SCARB1: variants seen among roughly 807,000 people sequenced by gnomAD.
The protein encoded by SCARB1 is scavenger receptor class B member 1, also known as CD36 and LIMPII analogous 1.
A neutral mutation model predicts 57.2 loss-of-function variants in SCARB1; 30 were observed. That is an observed-to-expected ratio of 0.52 (90% CI 0.39 to 0.71). The LOEUF (loss-of-function observed/expected upper bound fraction) is 0.71. Ranked by LOEUF, SCARB1 falls within the 30% of genes least tolerant of loss-of-function variation. The probability of loss-of-function intolerance (pLI) is 0.00; values close to 1 mark genes in which losing one functional copy is unlikely to be tolerated. For missense variants in SCARB1, 543 were observed against 671.2 expected, an observed-to-expected ratio of 0.81 and a Z score of 2.11; for synonymous variants, 249 against 268.3, an observed-to-expected ratio of 0.93 and a Z score of 0.70.
In SCARB1 at chr12:124,778,290, G is replaced by A; in HGVS notation, c.*297C>T. 4 of 565,490 alleles carry A rather than the reference G, an allele frequency of 7.1e-6. No homozygotes were observed. Among genetic ancestry groups the A allele is most frequent in the Non-Finnish European group, 1.1e-5 (4 of 379,222 alleles). 35.0% of individuals were successfully genotyped at this position (565,490 alleles called of 1,614,324 possible). On this transcript the variant is annotated 3_prime_UTR_variant, in exon 13 of 13. Transcript: ENST00000261693. ...GCAGGACCCACAGCCCCTGTGGTCA[G>A]GCCTGTGGGCCACGTGGAGAGAAGG... is the stretch of plus-strand genomic sequence containing the variant.
intron 1 of SCARB1, among the ~76,000 whole-genome samples, chr12:124,853,390 G>T (rs201266732): frequency 0.063 from 7,782 of 122,576 alleles, 835 homozygotes; most frequent in African/African-American, 0.21. Flanking sequence ...GCATAGTTTT[G>T]TTTTTTTTTT....
chr12:124,837,232 A>C (rs11057847), intron 1 of SCARB1, among the ~76,000 whole-genome samples: 1 of 152,240 alleles, frequency 6.6e-6, no homozygotes, highest in East Asian at 1.9e-4. Flanking sequence ...TCAGACAGTG[A>C]ATATGCCTTC....
At chr12:124,839,065 A>G (rs114069652) in intron 1 of SCARB1, among the ~76,000 whole-genome samples, 6,329 of 152,140 alleles carry the variant, frequency 0.042, 446 homozygotes, top group African/African-American at 0.14. Flanking sequence ...GAGCCACTAC[A>G]CGCCCAGCCC....
intron 9 of SCARB1, among the ~76,000 whole-genome samples, chr12:124,794,400 CTT>C (rs3043265): frequency 1.1e-4 from 13 of 119,888 alleles, no homozygotes; most frequent in Middle Eastern, 4.3e-3. Flanking sequence ...TTGAAAAATT[CTT>C]TTTTTTTTTT....
In SCARB1 at chr12:124,814,076, C is replaced by T; in HGVS notation, c.630+126G>A. 2.2e-6 allele frequency: 2 copies of T among 904,172 alleles called. No homozygotes were observed. Among genetic ancestry groups the T allele is most frequent in the Non-Finnish European group, 3.7e-6 (2 of 538,516 alleles). 56.0% of individuals were successfully genotyped at this position (904,172 alleles called of 1,614,324 possible). On this transcript the variant is annotated intron_variant, in intron 4 of 12. Coordinates refer to ENST00000261693, the MANE Select transcript of SCARB1 (RefSeq NM_005505.5). The surrounding 1 kb of genome is among the most constrained non-coding windows in gnomAD (Gnocchi z 4.7). ...CCGGTTTGAGTCAGGTTCTCAGTCA[C>T]TTACAACCCACAGCCACTAGATCCC...
intron 7 of SCARB1, among the ~76,000 whole-genome samples, chr12:124,806,567 CGGGCGCT>C (rs1950331049): frequency 6.6e-6 from 1 of 152,146 alleles, no homozygotes; most frequent in African/African-American, 2.4e-5. Context: ...ACAGGGTAAA[CGGGCGCT>C]GGGCCTGCTC....
intron 1 of SCARB1, among the ~76,000 whole-genome samples, chr12:124,860,281 A>T (rs1323521888): frequency 6.6e-6 from 1 of 152,254 alleles, no homozygotes; most frequent in Non-Finnish European, 1.5e-5. Flanking sequence ...GTGGACAAGA[A>T]GCCATTCTTA....
chr12:124,790,886 G>A (rs838863), intron 9 of SCARB1, among the ~76,000 whole-genome samples: 1,817 of 152,354 alleles, frequency 0.012, 35 homozygotes, highest in African/African-American at 0.041. Flanking sequence ...CGGAGCTGGC[G>A]TCTGGGAGCC....
intron 1 of SCARB1, among the ~76,000 whole-genome samples, chr12:124,854,879 G>A (rs569605966): frequency 1.3e-5 from 2 of 152,230 alleles, no homozygotes; most frequent in East Asian, 3.9e-4. Context: ...GACACTCGGG[G>A]GTGGGGTTCA....
chr12:124,778,606 TG>T lies in SCARB1; in HGVS notation c.*1-21del. ...AGGACCCTGTGGAGAAAGGCAAAGC[TG>T]GGTGACCACCCACGCCCTGTCACCA... is the stretch of plus-strand genomic sequence containing the variant. On this transcript the variant is annotated intron_variant, in intron 12 of 12. Transcript: ENST00000261693. The T allele has an allele frequency of 7.1e-7, 1 of 1,415,644 alleles. No homozygotes were observed. Among genetic ancestry groups the T allele is most frequent in the South Asian group, 1.6e-5 (1 of 62,428 alleles). 87.7% of individuals were successfully genotyped at this position (1,415,644 alleles called of 1,614,324 possible).
chr12:124,828,321 C>A (rs929830602), intron 1 of SCARB1, among the ~76,000 whole-genome samples: 1 of 152,050 alleles, frequency 6.6e-6, no homozygotes, highest in South Asian at 2.1e-4. Flanking sequence ...CCAGGTGCCA[C>A]CTCCTCCATG....
At chr12:124,843,024 C>T (rs866590673) in intron 1 of SCARB1, among the ~76,000 whole-genome samples, 19 of 152,362 alleles carry the variant, frequency 1.2e-4, no homozygotes, top group African/African-American at 4.6e-4. Context: ...AAACAAGGAA[C>T]TATTAACCCA....
intron 1 of SCARB1, among the ~76,000 whole-genome samples, chr12:124,818,609 GC>G (rs1431419641): frequency 6.6e-6 from 1 of 152,046 alleles, no homozygotes; most frequent in Non-Finnish European, 1.5e-5. Flanking sequence ...GGGACTACAG[GC>G]CCCCACCATC....
At chr12:124,818,091 T>A (rs1377502426) in intron 1 of SCARB1, among the ~76,000 whole-genome samples, 3 of 152,070 alleles carry the variant, frequency 2.0e-5, no homozygotes, top group East Asian at 3.9e-4. Flanking sequence ...GGGGGATCAT[T>A]CATTCATTCC....
chr12:124,808,762 T>C (rs1222969526), intron 6 of SCARB1, among the ~76,000 whole-genome samples: 4 of 152,170 alleles, frequency 2.6e-5, no homozygotes, highest in African/African-American at 7.2e-5. Flanking sequence ...CATCCCGCCC[T>C]TGACATGGGG....
At chr12:124,846,570 GA>G (rs970577665) in intron 1 of SCARB1, among the ~76,000 whole-genome samples, 3 of 151,870 alleles carry the variant, frequency 2.0e-5, no homozygotes, top group Admixed American at 1.3e-4. Context: ...CCAACATAGT[GA>G]AACCCCATCT....
chr12:124,817,643 T>C lies in SCARB1; in HGVS notation c.191A>G (p.Tyr64Cys), dbSNP rs1457961003. Residue 64 changes from tyrosine to cysteine, a missense_variant, in exon 2 of 13, where the codon TAT (tyrosine) becomes TGT (cysteine). By Grantham distance (194) the Tyr-to-Cys change is radical. Coordinates refer to ENST00000261693, the MANE Select transcript of SCARB1 (RefSeq NM_005505.5). This position sits in a 1 kb window ranked among gnomAD's most constrained non-coding sequence, Gnocchi z 4.8. The stretch of plus-strand genomic sequence containing the variant: ...GACGTCAAAGAAGTAGACGGAGAGA[T>C]AGAAGGGGATAGGGATCTCCTTCCA... ...NMWKEIPIPF[Y>C]LSVYFFDVMN... is the part of the protein sequence containing the mutation. 1.2e-6 allele frequency: 2 copies of C among 1,614,174 alleles called. No individual in the cohort carries two copies. The highest frequency in any genetic ancestry group is 2.2e-5 in the East Asian group (1 of 44,876).
rs767202909 is a variant in SCARB1, at chr12:124,800,084, A to C, written c.1128+40T>G. 6.8e-7 allele frequency: 1 copy of C among 1,478,148 alleles called. No homozygotes were observed. The allele number at this position is 1,478,148 out of a possible 1,614,324, so 91.6% of individuals were successfully genotyped here. A position where few individuals can be genotyped will look rare whatever the true frequency, so the allele number is the denominator to read the frequency against. ...GGAGGCAGCCAGGTGTGCTCCAACC[A>C]GGAATCACCCACCCCCCACAGAGGA... On this transcript the variant is annotated intron_variant, in intron 8 of 12. Coordinates refer to ENST00000261693, the MANE Select transcript of SCARB1 (RefSeq NM_005505.5). This position sits in a 1 kb window ranked among gnomAD's most constrained non-coding sequence, Gnocchi z 4.8.
rs1355547711 is a variant in SCARB1 at position 124,847,182 on chromosome 12, A to G, written c.126+16413T>C. On this transcript the variant is annotated intron_variant, in intron 1 of 12. Coordinates refer to ENST00000261693, the MANE Select transcript of SCARB1 (RefSeq NM_005505.5). ...CAAATTTCACAAAAAACAGAAATCC[A>G]AGACTCTGGGTGGAAAGTGCAAAGC... is the stretch of plus-strand genomic sequence containing the variant. 2.0e-5 allele frequency among the ~76,000 whole-genome samples: 3 copies of G among 152,234 alleles called. No individual in the cohort carries two copies. The East Asian group carries it at 5.8e-4, about 29-fold the overall frequency.
Sources: allele counts gnomAD v4.1 joint callset (sites outside exome capture counted in the v4.1 genomes callset), GRCh38; gene constraint gnomAD v4.1.1; non-coding constraint Gnocchi (gnomAD v3.1); transcripts MANE v1.5; gene names NCBI Gene and HGNC (gene_info 2026-07-23, HGNC 2026-07-21).